TRANK1: variants seen among roughly 807,000 people sequenced by gnomAD.
TRANK1 encodes tetratricopeptide repeat and ankyrin repeat containing 1, also known as TPR and ankyrin repeat-containing protein 1.
In TRANK1, 198 loss-of-function variants were observed where a neutral mutation model predicts 266.0. The observed-to-expected ratio is 0.74, with a 90% CI of 0.66 to 0.84. The LOEUF is 0.84. Among genes scored for constraint, TRANK1 ranks in the 40% least tolerant of loss-of-function variants. TRANK1 has a pLI of 0.00. For missense variants in TRANK1, 3,326 were observed against 3,634.6 expected, an observed-to-expected ratio of 0.92 and a Z score of 2.18; for synonymous variants, 1,396 against 1,384.1, an observed-to-expected ratio of 1.01 and a Z score of -0.19.
At chr3:36,910,499 G>A (rs1304933703) in intron 1 of TRANK1, among the ~76,000 whole-genome samples, 1 of 152,168 alleles carries the variant, frequency 6.6e-6, no homozygotes, top group African/African-American at 2.4e-5. Flanking sequence ...CAGCACTTTG[G>A]GAGGCTGAGG....
chr3:36,832,901 A>G lies in TRANK1; in HGVS notation c.6682T>C (p.Leu2228=). Residue 2228 remains leucine (L), a synonymous_variant, in exon 22 of 24, where the codon TTG becomes CTG. Coordinates refer to ENST00000645898, the MANE Select transcript of TRANK1 (RefSeq NM_001329998.2). ...AKCLVQSKMN[L]VAINGLLLEA... is the part of the protein sequence containing the mutation. Reference sequence around the variant, plus strand: ...AAAAGCAACCCGTTGATTGCCACCAAGTTCATTTTCGACTGAACTAAACAC... The same window carrying G: ...AAAAGCAACCCGTTGATTGCCACCAGGTTCATTTTCGACTGAACTAAACAC... The G allele has an allele frequency of 1.2e-6, 2 of 1,613,874 alleles. No homozygotes were observed. The highest frequency in any genetic ancestry group is 1.3e-5 in the African/African-American group (1 of 75,040).
chr3:36,906,698 C>G (rs990528833), intron 2 of TRANK1, among the ~76,000 whole-genome samples: 4 of 152,114 alleles, frequency 2.6e-5, no homozygotes, highest in African/African-American at 9.7e-5. Context: ...GAAGGAGCCA[C>G]AAGCCAAAGA....
At chr3:36,835,533 C>T (rs2078760260) in intron 20 of TRANK1, among the ~76,000 whole-genome samples, 1 of 152,048 alleles carries the variant, frequency 6.6e-6, no homozygotes, top group Non-Finnish European at 1.5e-5. Flanking sequence ...TGGAAGGAGT[C>T]TTCACGTAAC....
At position 36,831,778 on chromosome 3, in the gene TRANK1, T is replaced by G; in HGVS notation, c.7805A>C (p.Asp2602Ala). 11 of 1,613,886 alleles carry G rather than the reference T, an allele frequency of 6.8e-6. No individual in the cohort carries two copies. The highest frequency in any genetic ancestry group is 9.3e-6 in the Non-Finnish European group (11 of 1,179,876). The change falls in exon 22 of 24, where the codon GAC becomes GCC. Residue 2602 changes from aspartate to alanine, a missense_variant. Coordinates refer to ENST00000645898, the MANE Select transcript of TRANK1 (RefSeq NM_001329998.2). The surrounding 1 kb of genome is among the most constrained non-coding windows in gnomAD (Gnocchi z 5.0). ...CCTCTCGGGAACCTGGCCAGGGCAGTCCATGCTCATGAGCTGCAGCCTTGA... is the reference window on the plus strand; with the variant it reads ...CCTCTCGGGAACCTGGCCAGGGCAGGCCATGCTCATGAGCTGCAGCCTTGA... ...IESRLQLMSMDCPGQVPERLL... is the reference protein window; with the variant it reads ...IESRLQLMSMACPGQVPERLL...
At chr3:36,929,873 G>T (rs552984083) in intron 1 of TRANK1, among the ~76,000 whole-genome samples, 1 of 145,260 alleles carries the variant, frequency 6.9e-6, no homozygotes, top group East Asian at 2.0e-4. Flanking sequence ...GGGCAAGGGA[G>T]ATGCAGCAGA....
intron 1 of TRANK1, among the ~76,000 whole-genome samples, chr3:36,929,921 T>TGTTGTTGTTG (rs61141859): frequency 6.6e-6 from 1 of 150,866 alleles, no homozygotes; most frequent in Non-Finnish European, 1.5e-5. Flanking sequence ...TTGTTGTTGT[T>TGTTGTTGTTG]TTGAGACGGA....
chr3:36,842,879 C>A lies in TRANK1; in HGVS notation c.5192-169G>T, dbSNP rs6771655. 0.36 allele frequency among the ~76,000 whole-genome samples: 54,719 copies of A among 152,024 alleles called. 10,263 individuals carry two copies. The highest frequency in any genetic ancestry group is 0.42 in the African/African-American group (17,506 of 41,452). On this transcript the variant is annotated intron_variant, in intron 17 of 23. Transcript: ENST00000645898. ...CATTTGGAGAGAGATAGGGCCTTTA[C>A]AGAGGTGACTAGGTTAAAATGAGGC... is the stretch of plus-strand genomic sequence containing the variant.
chr3:36,842,587 C>T (rs1351950222), intron 18 of TRANK1, 35 bp downstream of exon 18: 2 of 1,589,140 alleles, frequency 1.3e-6, no homozygotes, highest in Admixed American at 3.4e-5. Context: ...ACGAGGGCAC[C>T]AGTGACAAGG....
rs1268362553 is a variant in TRANK1, at chr3:36,833,365, C to A, written c.6218G>T (p.Cys2073Phe). ...CAGAATCTTCTCAGGCTCGGCCTCA[C>A]ACTGGCTGGCTGCTTCGTAGAGTGC... ...VEALYEAASQCEAEPEKILGL... is the reference protein window; with the variant it reads ...VEALYEAASQFEAEPEKILGL... Residue 2073 changes from cysteine to phenylalanine, a missense_variant, in exon 22 of 24, where the codon TGT (cysteine) becomes TTT (phenylalanine). Physicochemically the swap from Cys to Phe is radical, Grantham distance 205. Transcript: ENST00000645898. The A allele has an allele frequency of 2.1e-5, 34 of 1,613,792 alleles. No individual in the cohort carries two copies. Among genetic ancestry groups the A allele is most frequent in the Non-Finnish European group, 2.7e-5 (32 of 1,179,824 alleles).
In TRANK1 at chr3:36,838,395, G is replaced by A; in HGVS notation, c.5494C>T (p.Gln1832Ter). Residue 1832 changes from glutamine (Q) to a stop codon, truncating the protein, a stop_gained, in exon 20 of 24, where the codon CAG becomes TAG. Transcript: ENST00000645898. LOFTEE classifies it high-confidence loss of function. The stretch of plus-strand genomic sequence containing the variant: ...ACCTTTCCCAGCCTCTCGCACAGCT[G>A]GGCAGAGAGCTGGAACTCCTTGGCA... Reference protein sequence around the residue: ...SYAKEFQLSAQLCERLGKIRD... With the variant: ...SYAKEFQLSA The A allele has an allele frequency of 6.2e-7, 1 of 1,614,032 alleles. No homozygotes were observed. Among genetic ancestry groups the A allele is most frequent in the Non-Finnish European group, 8.5e-7 (1 of 1,179,904 alleles).
At chr3:36,902,456 T>A (rs1057232378) in intron 3 of TRANK1, among the ~76,000 whole-genome samples, 1 of 152,244 alleles carries the variant, frequency 6.6e-6, no homozygotes, top group Non-Finnish European at 1.5e-5. Flanking sequence ...CCAGATTGAA[T>A]GCAAACTACT....
At chr3:36,851,888 C>A (rs375051465) in intron 14 of TRANK1, 32 bp from the exon 15 acceptor site, 1 of 1,561,144 alleles carries the variant, frequency 6.4e-7, no homozygotes, top group Non-Finnish European at 8.7e-7. Flanking sequence ...TCAAATTCTA[C>A]AGAGAAAACC....
chr3:36,921,753 G>C (rs1409252720), intron 1 of TRANK1, among the ~76,000 whole-genome samples: 1 of 152,236 alleles, frequency 6.6e-6, no homozygotes, highest in Admixed American at 6.5e-5. Flanking sequence ...GGCCAGGGAA[G>C]AGAATGTAGG....
At chr3:36,895,816 G>A in intron 4 of TRANK1, 58 bp from the exon 5 acceptor site, 1 of 1,161,944 alleles carries the variant, frequency 8.6e-7, no homozygotes, top group Non-Finnish European at 1.2e-6. Context: ...ACAGCATTTG[G>A]GAAAAGGTCC....
chr3:36,920,737 A>G (rs998667277), intron 1 of TRANK1, among the ~76,000 whole-genome samples: 8 of 151,586 alleles, frequency 5.3e-5, no homozygotes, highest in Non-Finnish European at 1.2e-4. Flanking sequence ...AGAAAAGGAC[A>G]GGGCCCAAGA....
chr3:36,902,704 A>G (rs2079901277), intron 3 of TRANK1, among the ~76,000 whole-genome samples: 1 of 152,232 alleles, frequency 6.6e-6, no homozygotes, highest in South Asian at 2.1e-4. Flanking sequence ...TGTGTCACCC[A>G]CCCAGCTTGC....
At chr3:36,853,598 T>C (rs917697142) in intron 13 of TRANK1, among the ~76,000 whole-genome samples, 1 of 152,182 alleles carries the variant, frequency 6.6e-6, no homozygotes, top group Non-Finnish European at 1.5e-5. Flanking sequence ...AAAGTTGCAG[T>C]AGAATCCACT....
At chr3:36,936,844 G>A (rs1450304936) in intron 1 of TRANK1, among the ~76,000 whole-genome samples, 1 of 152,244 alleles carries the variant, frequency 6.6e-6, no homozygotes, top group African/African-American at 2.4e-5. Flanking sequence ...GCTCACGCCT[G>A]TAATCCCAGC....
intron 1 of TRANK1, among the ~76,000 whole-genome samples, chr3:36,930,320 T>G (rs1303999430): frequency 6.6e-6 from 1 of 152,162 alleles, no homozygotes; most frequent in Non-Finnish European, 1.5e-5. Context: ...ACCTGAGTCT[T>G]ACACCTACCA....
Sources: allele counts gnomAD v4.1 joint callset (sites outside exome capture counted in the v4.1 genomes callset), GRCh38; gene constraint gnomAD v4.1.1; non-coding constraint Gnocchi (gnomAD v3.1); transcripts MANE v1.5; gene names NCBI Gene and HGNC (gene_info 2026-07-23, HGNC 2026-07-21).